The following MYH11 variants were observed in gnomAD, a reference collection of about 807,000 sequenced individuals.
MYH11 encodes myosin heavy chain 11.
Under a neutral mutation model 246.6 loss-of-function variants are expected in MYH11, and 80 were observed. The observed-to-expected ratio is 0.32, with a 90% confidence interval of 0.27 to 0.39. The LOEUF is 0.39. Ranked by LOEUF, MYH11 falls within the 10% of genes least tolerant of loss-of-function variation. The pLI, the probability that MYH11 is intolerant of heterozygous loss-of-function variation, is 1.00. For synonymous variants in MYH11, 1,071 were observed against 1,015.5 expected (o/e 1.05, Z -1.04); for missense variants, 2,158 against 2,546.8 (o/e 0.85, Z 3.29).
In MYH11 at chr16:15,760,602, T is replaced by C; in HGVS notation, c.1186A>G (p.Ile396Val). 3 of 1,614,200 alleles carry C rather than the reference T, an allele frequency of 1.9e-6. No homozygotes were observed. In the South Asian group the frequency reaches 3.3e-5, roughly 18 times the overall value. Residue 396 changes from isoleucine (I) to valine (V), a missense_variant, in exon 11 of 41, where the codon ATC becomes GTC. By Grantham distance (29) the Ile-to-Val change is conservative. Transcript: ENST00000300036. ...CCAACCTTGATACGAGGAGTGAGGATGGATCTGGTGAAATCTGTCACATTA... is the reference window on the plus strand; with the variant it reads ...CCAACCTTGATACGAGGAGTGAGGACGGATCTGGTGAAATCTGTCACATTA... Reference protein sequence around the residue: ...GINVTDFTRSILTPRIKVGRD... With the variant: ...GINVTDFTRSVLTPRIKVGRD...
chr16:15,854,199 T>G (rs1426463833), intron 1 of MYH11, among the ~76,000 whole-genome samples: 1 of 152,192 alleles, frequency 6.6e-6, no homozygotes, highest in African/African-American at 2.4e-5. Context: ...AAGCTTCTCC[T>G]TTAACGGCCA....
In MYH11 at chr16:15,717,344, T is replaced by A; in HGVS notation, c.5300A>T (p.Glu1767Val). 3 of 1,606,624 alleles carry A rather than the reference T, an allele frequency of 1.9e-6. No homozygotes were observed. Among genetic ancestry groups the A allele is most frequent in the Non-Finnish European group, 2.5e-6 (3 of 1,179,982 alleles). Residue 1767 changes from glutamate (E) to valine (V), a missense_variant, in exon 38 of 41, where the codon GAG becomes GTG. Glu to Val is a moderately radical substitution (Grantham distance 121). Transcript: ENST00000300036. ...DRVRKATQQA[E>V]QLSNELATER... ...TGTGGCCAGCTCGTTGCTGAGCTGC[T>A]CGGCCTGGGGAGGAGAGTGAAGGCC...
chr16:15,830,449 C>T (rs772478396), intron 2 of MYH11, among the ~76,000 whole-genome samples: 2 of 152,088 alleles, frequency 1.3e-5, no homozygotes, highest in East Asian at 1.9e-4. Context: ...GTGCAGTGGC[C>T]CTCTCTCTAC....
At chr16:15,717,730 A>T in intron 37 of MYH11, 1 of 326,126 alleles carries the variant, frequency 3.1e-6, no homozygotes, top group Non-Finnish European at 5.8e-6. Context: ...TGGGAGGCAG[A>T]GGTTGCAGTG....
intron 29 of MYH11, 44 bp downstream of exon 29, chr16:15,724,844 A>C: frequency 1.2e-6 from 2 of 1,613,760 alleles, no homozygotes; most frequent in Middle Eastern, 1.6e-4. Context: ...GCCCCGAGGA[A>C]GGCCACCCCC....
chr16:15,721,998 C>T (rs1332175204), intron 31 of MYH11, among the ~76,000 whole-genome samples: 2 of 152,166 alleles, frequency 1.3e-5, no homozygotes, highest in Non-Finnish European at 2.9e-5. Flanking sequence ...GTTGGGATTA[C>T]AGGTGCCCAC....
intron 2 of MYH11, among the ~76,000 whole-genome samples, chr16:15,831,546 C>A (rs149582745): frequency 2.3e-3 from 350 of 150,182 alleles, no homozygotes; most frequent in African/African-American, 8.2e-3. Context: ...AAGAGGGCTG[C>A]TTTTTGTGAT....
intron 14 of MYH11, among the ~76,000 whole-genome samples, chr16:15,753,931 C>T (rs1044071742): frequency 7.2e-5 from 11 of 151,792 alleles, no homozygotes; most frequent in African/African-American, 2.4e-4. Flanking sequence ...GGCAGCCAAG[C>T]GTGGTGGTTC....
chr16:15,838,277 A>G lies in MYH11; in HGVS notation c.-17-8T>C, dbSNP rs1461759663. ...TGGTGCCTTGTTGGTCCCCTGTGGA[A>G]TAAGGTAACAGGGTCAGAATCAGAC... is the stretch of plus-strand genomic sequence containing the variant. On this transcript the variant is annotated splice_polypyrimidine_tract_variant and splice_region_variant and intron_variant, in intron 1 of 40. Transcript: ENST00000300036. 1.2e-6 allele frequency: 2 copies of G among 1,608,614 alleles called. No individual in the cohort carries two copies. The highest frequency in any genetic ancestry group is 4.5e-5 in the East Asian group (2 of 44,856).
intron 18 of MYH11, 60 bp from the exon 19 acceptor site, chr16:15,747,790 A>T: frequency 6.2e-7 from 1 of 1,612,904 alleles, no homozygotes; most frequent in Non-Finnish European, 8.5e-7. Context: ...GCCAGTGATG[A>T]CATGGGTAAG....
At chr16:15,763,741 T>TCGGGCCCCCCCCCCCCCCC in intron 10 of MYH11, 55 bp downstream of exon 10, 5 of 646,848 alleles carry the variant, frequency 7.7e-6, no homozygotes, top group East Asian at 3.2e-5. Flanking sequence ...AAATGTCACC[T>TCGGGCCCCCCCCCCCCCCC]CCCCCACCCC....
At chr16:15,800,888 G>A (rs369577069) in intron 3 of MYH11, among the ~76,000 whole-genome samples, 5 of 152,162 alleles carry the variant, frequency 3.3e-5, no homozygotes, top group African/African-American at 1.2e-4. Context: ...TTTCAATTCT[G>A]GTGTGTTTAT....
At chr16:15,715,360 CT>C in intron 38 of MYH11, 88 bp from the exon 39 acceptor site, 1 of 1,210,924 alleles carries the variant, frequency 8.3e-7, no homozygotes. Context: ...ATCTTGAGTG[CT>C]TTCCTGAGCC....
chr16:15,740,906 A>T (rs947233496), intron 22 of MYH11, among the ~76,000 whole-genome samples: 1 of 152,276 alleles, frequency 6.6e-6, no homozygotes, highest in East Asian at 1.9e-4. Context: ...TTCTGGGGGA[A>T]CTCTGCTGCC....
intron 3 of MYH11, among the ~76,000 whole-genome samples, chr16:15,804,624 A>G (rs2042967684): frequency 6.6e-6 from 1 of 152,210 alleles, no homozygotes; most frequent in Non-Finnish European, 1.5e-5. Context: ...TAGTTCTAAA[A>G]TATTCTGTCA....
chr16:15,761,751 T>C (rs2041872263), intron 10 of MYH11, among the ~76,000 whole-genome samples: 1 of 152,200 alleles, frequency 6.6e-6, no homozygotes, highest in Non-Finnish European at 1.5e-5. Context: ...TTCATTTCTC[T>C]TTCCCTGAGG....
At position 15,748,130 on chromosome 16, in the gene MYH11, C is replaced by A; in HGVS notation, c.2097G>T (p.Leu699=). 6.2e-7 allele frequency: 1 copy of A among 1,614,072 alleles called. No individual in the cohort carries two copies. The highest frequency in any genetic ancestry group is 8.5e-7 in the Non-Finnish European group (1 of 1,180,040). The change falls in exon 17 of 41, where the codon CTG becomes CTT. Residue 699 remains leucine (L), a synonymous_variant. Transcript: ENST00000300036. ...KLDAFLVLEQ[L]RCNGVLEGIR... The stretch of plus-strand genomic sequence containing the variant: ...TGCCTTCCAGCACCCCATTGCACCG[C>A]AGCTGCTCCAGCACCAGGAACGCAT...
At chr16:15,812,784 G>A (rs2043170470) in intron 3 of MYH11, among the ~76,000 whole-genome samples, 1 of 152,028 alleles carries the variant, frequency 6.6e-6, no homozygotes, top group Non-Finnish European at 1.5e-5. Flanking sequence ...GAGGTGAGAA[G>A]ATCACTGGAG....
rs138762707 is a variant in MYH11, at chr16:15,786,785, C to T, written c.531-53G>A. 21 of 1,481,104 alleles carry T rather than the reference C, an allele frequency of 1.4e-5. No individual in the cohort carries two copies. In the East Asian group the frequency reaches 2.1e-4, roughly 15 times the overall value. 91.7% of individuals were successfully genotyped at this position (1,481,104 alleles called of 1,614,324 possible). A position where few individuals can be genotyped will look rare whatever the true frequency, so the allele number is the denominator to read the frequency against. On this transcript the variant is annotated intron_variant, in intron 4 of 40. Transcript: ENST00000300036. The stretch of plus-strand genomic sequence containing the variant: ...CACACGTTCCATGGTGACCTTTCCG[C>T]AGTTCCATGAGCCAGGCAGGACAAT...
Sources: allele counts gnomAD v4.1 joint callset (sites outside exome capture counted in the v4.1 genomes callset), GRCh38; gene constraint gnomAD v4.1.1; transcripts MANE v1.5; gene names NCBI Gene and HGNC (gene_info 2026-07-23, HGNC 2026-07-21).